The following RASAL2 variants were observed in gnomAD, a reference collection of about 807,000 sequenced individuals.
The protein encoded by RASAL2 is RAS protein activator like 2, also known as ras GTPase-activating protein nGAP.
In RASAL2, 58 loss-of-function variants were observed where a neutral mutation model predicts 128.9. That is an observed-to-expected ratio of 0.45 (90% CI 0.36 to 0.56). The LOEUF is 0.56. Ranked by LOEUF, RASAL2 falls within the 20% of genes least tolerant of loss-of-function variation. The probability of loss-of-function intolerance (pLI) is 0.00; values close to 1 mark genes in which losing one functional copy is unlikely to be tolerated. For missense variants in RASAL2, 1,360 were observed against 1,601.6 expected (o/e 0.85, Z 2.57); for synonymous variants, 561 against 580.8 (o/e 0.97, Z 0.49).
intron 3 of RASAL2, among the ~76,000 whole-genome samples, chr1:178,338,123 A>AT (rs1553215392): frequency 6.6e-5 from 10 of 150,890 alleles, no homozygotes; most frequent in Non-Finnish European, 1.3e-4. Flanking sequence ...ATTTTTTTTT[A>AT]TTATTTATTT....
At chr1:178,275,873 C>T (rs960644483) in intron 1 of RASAL2, among the ~76,000 whole-genome samples, 6 of 152,082 alleles carry the variant, frequency 3.9e-5, no homozygotes, top group Admixed American at 2.6e-4. Context: ...TCAAGTAGGT[C>T]GGAAATTAAG....
intron 5 of RASAL2, among the ~76,000 whole-genome samples, chr1:178,433,444 G>T (rs75826326): frequency 6.6e-6 from 1 of 152,040 alleles, no homozygotes; most frequent in South Asian, 2.1e-4. Flanking sequence ...TACACAGACC[G>T]TGCTTTTCTT....
At chr1:178,205,598 A>G (rs1663011987) in intron 1 of RASAL2, among the ~76,000 whole-genome samples, 1 of 152,148 alleles carries the variant, frequency 6.6e-6, no homozygotes, top group Non-Finnish European at 1.5e-5. Flanking sequence ...CTACTAAAGA[A>G]TACAAAAAAT....
chr1:178,239,786 T>C (rs913801884), intron 1 of RASAL2, among the ~76,000 whole-genome samples: 1 of 152,026 alleles, frequency 6.6e-6, no homozygotes, highest in Non-Finnish European at 1.5e-5. Context: ...CGTTAGGCAC[T>C]GATACTCTAG....
chr1:178,450,914 G>A (rs1677327810), intron 9 of RASAL2, among the ~76,000 whole-genome samples: 2 of 152,174 alleles, frequency 1.3e-5, no homozygotes, highest in African/African-American at 2.4e-5. Context: ...GTGTATACTA[G>A]AGGATAAACA....
Position 178,314,725 on chromosome 1 carries a change from T to G in RASAL2, c.457+14607T>G, listed in dbSNP as rs868103697. On this transcript the variant is annotated intron_variant, in intron 3 of 17. Coordinates refer to ENST00000367649, the MANE Select transcript of RASAL2 (RefSeq NM_170692.4). ...ATACTAGTTGTAACATCTTATTTGA[T>G]TTGAAGTGGTAGGCATCACAGATAC... Among the ~76,000 whole-genome samples the G allele has an allele frequency of 1.7e-4, 26 of 152,298 alleles. No homozygotes were observed. The Middle Eastern group carries it at 0.01, about 60-fold the overall frequency.
chr1:178,130,518 A>T (rs1375129922), intron 1 of RASAL2, among the ~76,000 whole-genome samples: 2 of 152,214 alleles, frequency 1.3e-5, no homozygotes, highest in Non-Finnish European at 2.9e-5. Flanking sequence ...TATATTGTGT[A>T]CAAGTTAGTT....
chr1:178,269,914 G>A (rs560286617), intron 1 of RASAL2, among the ~76,000 whole-genome samples: 12 of 152,188 alleles, frequency 7.9e-5, no homozygotes, highest in African/African-American at 2.9e-4. Context: ...GTCTGGATCG[G>A]GACCCTTTCC....
intron 1 of RASAL2, among the ~76,000 whole-genome samples, chr1:178,148,549 G>A (rs1268724289): frequency 6.6e-6 from 1 of 151,962 alleles, no homozygotes; most frequent in African/African-American, 2.4e-5. Context: ...CCTGGGCTCA[G>A]GTGATCCTCC....
At chr1:178,349,100 G>A (rs1670314029) in intron 3 of RASAL2, among the ~76,000 whole-genome samples, 3 of 150,764 alleles carry the variant, frequency 2.0e-5, no homozygotes, top group Admixed American at 6.6e-5. Context: ...CGCCCGGCCC[G>A]ACACCAGGTT....
intron 1 of RASAL2, among the ~76,000 whole-genome samples, chr1:178,106,870 C>A (rs1352103128): frequency 3.9e-5 from 6 of 152,184 alleles, no homozygotes; most frequent in Non-Finnish European, 5.9e-5. Flanking sequence ...CTGAGATTGT[C>A]ATGCCAGAGT....
chr1:178,282,791 C>CTT (rs1027659790), intron 1 of RASAL2, among the ~76,000 whole-genome samples: 1 of 152,138 alleles, frequency 6.6e-6, no homozygotes, highest in African/African-American at 2.4e-5. Context: ...AAAAGCTTTA[C>CTT]TTAATGGAGC....
At chr1:178,464,839 T>G (rs1192009160) in intron 15 of RASAL2, among the ~76,000 whole-genome samples, 7 of 143,486 alleles carry the variant, frequency 4.9e-5, no homozygotes, top group Admixed American at 1.4e-4. Context: ...TTGTTTTTTT[T>G]TTTTTTTTTT....
intron 17 of RASAL2, among the ~76,000 whole-genome samples, chr1:178,467,905 T>C (rs966189319): frequency 3.9e-5 from 6 of 152,184 alleles, no homozygotes; most frequent in Non-Finnish European, 8.8e-5. Context: ...TGTTGTTCTT[T>C]TGGTTTAGGG....
At chr1:178,115,626 C>A (rs1269846345) in intron 1 of RASAL2, among the ~76,000 whole-genome samples, 5 of 152,164 alleles carry the variant, frequency 3.3e-5, no homozygotes, top group Non-Finnish European at 7.4e-5. Flanking sequence ...GGGTACATGG[C>A]ATAGTATAAG....
At chr1:178,124,227 C>T (rs1244582942) in intron 1 of RASAL2, among the ~76,000 whole-genome samples, 2 of 152,098 alleles carry the variant, frequency 1.3e-5, no homozygotes, top group African/African-American at 4.8e-5. Context: ...TCTGTCAAAG[C>T]TGTTCAATCC....
chr1:178,272,573 G>A (rs763519381), intron 1 of RASAL2, among the ~76,000 whole-genome samples: 21 of 151,408 alleles, frequency 1.4e-4, no homozygotes, highest in Non-Finnish European at 2.9e-4. Context: ...ATATTCCTTG[G>A]TATTTGAACT....
intron 1 of RASAL2, among the ~76,000 whole-genome samples, chr1:178,257,402 G>T (rs1665413285): frequency 6.7e-6 from 1 of 149,968 alleles, no homozygotes; most frequent in South Asian, 2.1e-4. Flanking sequence ...AATCAAGACA[G>T]TGTGGTGCTG....
chr1:178,131,849 G>A (rs1303803869), intron 1 of RASAL2, among the ~76,000 whole-genome samples: 1 of 152,170 alleles, frequency 6.6e-6, no homozygotes, highest in Admixed American at 6.5e-5. Context: ...AACTTGACAT[G>A]TTTATAAAAG....
Sources: allele counts gnomAD v4.1 joint callset (sites outside exome capture counted in the v4.1 genomes callset), GRCh38; gene constraint gnomAD v4.1.1; transcripts MANE v1.5; gene names NCBI Gene and HGNC (gene_info 2026-07-23, HGNC 2026-07-21).